The following GRIK4 variants were observed in gnomAD, a reference collection of about 807,000 sequenced individuals.
The protein encoded by GRIK4 is glutamate ionotropic receptor kainate type subunit 4.
Under a neutral mutation model 104.9 loss-of-function variants are expected in GRIK4, and 40 were observed. The ratio of observed to expected loss-of-function variants is 0.38; its 90% CI spans 0.30 to 0.50. GRIK4 has a LOEUF of 0.50. Among genes scored for constraint, GRIK4 ranks in the 20% least tolerant of loss-of-function variants. The pLI is 0.93. For synonymous variants in GRIK4, 485 were observed against 524.9 expected (o/e 0.92, Z 1.04); for missense variants, 1,047 against 1,308.1 (o/e 0.80, Z 3.08).
Position 120,850,988 on chromosome 11 carries a change from A to G in GRIK4, c.745-10971A>G, listed in dbSNP as rs1042083739. 4.6e-5 allele frequency among the ~76,000 whole-genome samples: 7 copies of G among 151,948 alleles called. No individual in the cohort carries two copies. In the South Asian group the frequency reaches 6.2e-4, roughly 14 times the overall value. On this transcript the variant is annotated intron_variant, in intron 8 of 20. Coordinates refer to ENST00000527524, the MANE Select transcript of GRIK4 (RefSeq NM_014619.5). ...AATCACCATCTGGGGCTTCCCTCACATTCATAGCCCAGTGGCAAGCCTGAT... is the reference window on the plus strand; with the variant it reads ...AATCACCATCTGGGGCTTCCCTCACGTTCATAGCCCAGTGGCAAGCCTGAT...
intron 3 of GRIK4, among the ~76,000 whole-genome samples, chr11:120,720,142 G>T (rs949593221): frequency 1.3e-4 from 20 of 152,140 alleles, no homozygotes; most frequent in Non-Finnish European, 2.8e-4. Context: ...TGTGTGTGTT[G>T]TGGGGGGAGG....
chr11:120,834,892 C>A (rs931758441), intron 7 of GRIK4, among the ~76,000 whole-genome samples: 5 of 152,258 alleles, frequency 3.3e-5, no homozygotes, highest in Non-Finnish European at 7.3e-5. Flanking sequence ...ACCCTCTGCC[C>A]CCAGCCTGTC....
chr11:120,793,925 T>C (rs1952454078), intron 3 of GRIK4, among the ~76,000 whole-genome samples: 1 of 144,946 alleles, frequency 6.9e-6, no homozygotes, highest in African/African-American at 2.7e-5. Flanking sequence ...AGGCGGTGTT[T>C]AGGGGCTGAG....
At chr11:120,843,873 G>C (rs935421938) in intron 8 of GRIK4, among the ~76,000 whole-genome samples, 20 of 152,130 alleles carry the variant, frequency 1.3e-4, no homozygotes, top group African/African-American at 4.3e-4. Context: ...TGGGGAGTTC[G>C]TGTGACTCGT....
intron 1 of GRIK4, among the ~76,000 whole-genome samples, chr11:120,550,991 G>GT (rs1948134097): frequency 6.6e-6 from 1 of 152,172 alleles, no homozygotes; most frequent in Non-Finnish European, 1.5e-5. Flanking sequence ...ATGATCTAAT[G>GT]TGGGGGTATT....
At chr11:120,590,203 C>A (rs1399727252) in intron 1 of GRIK4, among the ~76,000 whole-genome samples, 1 of 152,154 alleles carries the variant, frequency 6.6e-6, no homozygotes, top group Non-Finnish European at 1.5e-5. Flanking sequence ...TGACCCTGCA[C>A]CTTGCCCCTG....
chr11:120,895,901 G>A (rs984098807), intron 11 of GRIK4, among the ~76,000 whole-genome samples: 2 of 152,174 alleles, frequency 1.3e-5, no homozygotes, highest in Admixed American at 6.5e-5. Flanking sequence ...ATGCAGAGAG[G>A]AGGAGGAAGG....
chr11:120,716,120 C>G (rs981441080), intron 3 of GRIK4, among the ~76,000 whole-genome samples: 1 of 152,050 alleles, frequency 6.6e-6, no homozygotes, highest in African/African-American at 2.4e-5. Flanking sequence ...GGTGAGCTGG[C>G]TAAGGCTTCT....
intron 3 of GRIK4, among the ~76,000 whole-genome samples, chr11:120,765,399 G>A (rs964313113): frequency 1.3e-5 from 2 of 151,924 alleles, no homozygotes; most frequent in African/African-American, 4.8e-5. Flanking sequence ...CATTGGGTTA[G>A]TACATGCTCC....
intron 14 of GRIK4, among the ~76,000 whole-genome samples, chr11:120,944,201 T>TTCTC (rs71890093): frequency 1.7e-4 from 23 of 131,726 alleles, no homozygotes; most frequent in African/African-American, 5.4e-4. Flanking sequence ...CCTCCCTTCT[T>TTCTC]TCTCTCTCTC....
At chr11:120,577,909 A>G in intron 1 of GRIK4, among the ~76,000 whole-genome samples, 1 of 152,162 alleles carries the variant, frequency 6.6e-6, no homozygotes, top group East Asian at 1.9e-4. Context: ...GCTCGGCCCC[A>G]GGACCATAGC....
At chr11:120,559,676 C>T (rs957039341) in intron 1 of GRIK4, among the ~76,000 whole-genome samples, 1 of 152,204 alleles carries the variant, frequency 6.6e-6, no homozygotes, top group Non-Finnish European at 1.5e-5. Flanking sequence ...CACTAATAGA[C>T]ACTTCTGGGG....
intron 11 of GRIK4, among the ~76,000 whole-genome samples, chr11:120,891,150 C>T (rs967573441): frequency 1.3e-5 from 2 of 152,190 alleles, no homozygotes; most frequent in African/African-American, 2.4e-5. Flanking sequence ...TCCCCCTCAG[C>T]GGCAGGGCGT....
intron 3 of GRIK4, among the ~76,000 whole-genome samples, chr11:120,768,979 A>G (rs998863419): frequency 6.6e-6 from 1 of 152,170 alleles, no homozygotes; most frequent in African/African-American, 2.4e-5. Flanking sequence ...AATGTTAATT[A>G]GAGATATTGG....
chr11:120,606,712 G>A (rs947273122), intron 1 of GRIK4, among the ~76,000 whole-genome samples: 1 of 152,186 alleles, frequency 6.6e-6, no homozygotes, highest in Admixed American at 6.5e-5. Flanking sequence ...TGGAGAGGAG[G>A]GCATGCAGTT....
intron 1 of GRIK4, among the ~76,000 whole-genome samples, chr11:120,532,773 C>T (rs1021605097): frequency 6.6e-6 from 1 of 152,130 alleles, no homozygotes; most frequent in Non-Finnish European, 1.5e-5. Context: ...TCTGGAGACT[C>T]GGGACAAAGA....
chr11:120,974,081 T>C (rs1196021014), intron 19 of GRIK4, among the ~76,000 whole-genome samples: 1 of 152,184 alleles, frequency 6.6e-6, no homozygotes, highest in African/African-American at 2.4e-5. Context: ...CTAATTTTTG[T>C]ATTTTTAGTA....
chr11:120,627,378 G>A (rs923947425), intron 1 of GRIK4, among the ~76,000 whole-genome samples: 7 of 152,228 alleles, frequency 4.6e-5, no homozygotes, highest in African/African-American at 1.7e-4. Context: ...GTGGAAACCT[G>A]GCTTCTGGTC....
Position 120,952,653 on chromosome 11 carries a change from G to A in GRIK4, c.1591-202G>A, listed in dbSNP as rs1944029648. Among the ~76,000 whole-genome samples, 1 of 152,170 alleles carries A rather than the reference G, an allele frequency of 6.6e-6. No homozygotes were observed. Among genetic ancestry groups the A allele is most frequent in the South Asian group, 2.1e-4 (1 of 4,822 alleles). On this transcript the variant is annotated intron_variant, in intron 14 of 20. Transcript: ENST00000527524. This position sits in a 1 kb window ranked among gnomAD's most constrained non-coding sequence, Gnocchi z 5.2. Reference sequence around the variant, plus strand: ...CTGCTGCTGTTCTGTGTCACCTGCTGAGGTCAGGGCTGGGTCGTGTCATTT... The same window carrying A: ...CTGCTGCTGTTCTGTGTCACCTGCTAAGGTCAGGGCTGGGTCGTGTCATTT...
Sources: allele counts gnomAD v4.1 joint callset (sites outside exome capture counted in the v4.1 genomes callset), GRCh38; gene constraint gnomAD v4.1.1; non-coding constraint Gnocchi (gnomAD v3.1); transcripts MANE v1.5; gene names NCBI Gene and HGNC (gene_info 2026-07-23, HGNC 2026-07-21).